FSTL5: variants seen among roughly 807,000 people sequenced by gnomAD.
FSTL5 encodes the protein follistatin like 5, also known as follistatin-related protein 5.
A neutral mutation model predicts 89.1 loss-of-function variants in FSTL5; 62 were observed. The ratio of observed to expected loss-of-function variants is 0.70; its 90% CI spans 0.57 to 0.86. The LOEUF (loss-of-function observed/expected upper bound fraction) is 0.86. Ranked by LOEUF, FSTL5 falls within the 40% of genes least tolerant of loss-of-function variation. The pLI, the probability that FSTL5 is intolerant of heterozygous loss-of-function variation, is 0.00. For missense variants in FSTL5, 1,057 were observed against 1,001.6 expected (o/e 1.06, Z -0.75); for synonymous variants, 383 against 346.2 (o/e 1.11, Z -1.18).
At chr4:161,776,883 C>G (rs1438453223) in intron 4 of FSTL5, among the ~76,000 whole-genome samples, 1 of 151,858 alleles carries the variant, frequency 6.6e-6, no homozygotes, top group East Asian at 1.9e-4. Context: ...TCTTTCCAAA[C>G]CCAGTTTTTA....
intron 4 of FSTL5, among the ~76,000 whole-genome samples, chr4:161,850,937 T>A (rs749101352): frequency 1.1e-4 from 16 of 152,124 alleles, no homozygotes; most frequent in Non-Finnish European, 2.1e-4. Flanking sequence ...GAATAGCCAA[T>A]GGGCTTAATA....
intron 8 of FSTL5, among the ~76,000 whole-genome samples, chr4:161,584,546 T>G (rs1367985724): frequency 6.6e-6 from 1 of 152,230 alleles, no homozygotes; most frequent in African/African-American, 2.4e-5. Flanking sequence ...ATGCAGGTGC[T>G]TTGCAGCTAC....
chr4:162,028,034 T>C (rs1285398356), intron 3 of FSTL5, among the ~76,000 whole-genome samples: 1 of 152,140 alleles, frequency 6.6e-6, no homozygotes, highest in Non-Finnish European at 1.5e-5. Context: ...TTATTACAAA[T>C]CTACCATAAA....
intron 8 of FSTL5, among the ~76,000 whole-genome samples, chr4:161,567,965 T>C (rs1419320543): frequency 3.9e-5 from 6 of 152,052 alleles, no homozygotes; most frequent in Admixed American, 3.9e-4. Context: ...ATTGAGCACA[T>C]GGAACTCATC....
At chr4:161,932,932 T>C (rs1734331254) in intron 3 of FSTL5, among the ~76,000 whole-genome samples, 1 of 152,110 alleles carries the variant, frequency 6.6e-6, no homozygotes, top group Admixed American at 6.6e-5. Flanking sequence ...TTCAAGCTAT[T>C]GATAAATTCT....
At chr4:161,411,518 C>A (rs1467594439) in intron 15 of FSTL5, among the ~76,000 whole-genome samples, 1 of 152,122 alleles carries the variant, frequency 6.6e-6, no homozygotes, top group East Asian at 1.9e-4. Context: ...TCCTGGCATG[C>A]AGGGCTAATT....
chr4:161,576,826 A>G (rs1465429756), intron 8 of FSTL5, among the ~76,000 whole-genome samples: 1 of 152,214 alleles, frequency 6.6e-6, no homozygotes, highest in Non-Finnish European at 1.5e-5. Context: ...TTGTCATAGA[A>G]AAAAGTTTCA....
intron 6 of FSTL5, among the ~76,000 whole-genome samples, chr4:161,728,119 T>A (rs1045152474): frequency 6.6e-6 from 1 of 152,200 alleles, no homozygotes; most frequent in Admixed American, 6.5e-5. Flanking sequence ...ATAAGAAGTC[T>A]GAGCTTGATT....
chr4:161,710,650 C>T (rs1313907472), intron 6 of FSTL5, among the ~76,000 whole-genome samples: 1 of 152,182 alleles, frequency 6.6e-6, no homozygotes, highest in Non-Finnish European at 1.5e-5. Context: ...GAACACTTGC[C>T]TTTCTTCCAA....
chr4:161,884,253 G>T (rs1289603321), intron 4 of FSTL5, among the ~76,000 whole-genome samples: 1 of 151,922 alleles, frequency 6.6e-6, no homozygotes, highest in East Asian at 1.9e-4. Flanking sequence ...GGCCAGACTG[G>T]TCTCAAACTC....
At chr4:162,011,655 A>G (rs1452106414) in intron 3 of FSTL5, among the ~76,000 whole-genome samples, 1 of 151,958 alleles carries the variant, frequency 6.6e-6, no homozygotes, top group East Asian at 1.9e-4. Context: ...CACCATGCCC[A>G]GCTAATTATT....
intron 11 of FSTL5, among the ~76,000 whole-genome samples, chr4:161,508,127 A>G (rs1730539972): frequency 6.6e-6 from 1 of 152,062 alleles, no homozygotes; most frequent in Non-Finnish European, 1.5e-5. Flanking sequence ...AATTATTTGT[A>G]TGAAATACTT....
At chr4:161,980,285 GAAA>G (rs1735788230) in intron 3 of FSTL5, among the ~76,000 whole-genome samples, 3 of 150,722 alleles carry the variant, frequency 2.0e-5, no homozygotes, top group Non-Finnish European at 3.0e-5. Flanking sequence ...AAGAAAGAAA[GAAA>G]GAGAAAGAAA....
At chr4:161,617,253 A>G (rs1217472068) in intron 7 of FSTL5, among the ~76,000 whole-genome samples, 1 of 152,138 alleles carries the variant, frequency 6.6e-6, no homozygotes, top group African/African-American at 2.4e-5. Flanking sequence ...CCTTGTAAGT[A>G]TTTAGTGTAA....
intron 14 of FSTL5, among the ~76,000 whole-genome samples, chr4:161,457,652 A>G (rs984914899): frequency 6.6e-6 from 1 of 152,142 alleles, no homozygotes; most frequent in Non-Finnish European, 1.5e-5. Flanking sequence ...TTTAAAAAAA[A>G]AGACATGAAA....
At chr4:161,926,398 T>TG in intron 3 of FSTL5, among the ~76,000 whole-genome samples, 1 of 30,566 alleles carries the variant, frequency 3.3e-5, no homozygotes, top group African/African-American at 1.1e-4. Flanking sequence ...AAGAAGGTTT[T>TG]TTTTTTTTGT....
At chr4:162,102,147 T>C (rs1731020083) in intron 2 of FSTL5, among the ~76,000 whole-genome samples, 1 of 151,906 alleles carries the variant, frequency 6.6e-6, no homozygotes, top group African/African-American at 2.4e-5. Context: ...TCCACAGAAA[T>C]TGTGAGAAAA....
In FSTL5 at chr4:161,386,072, G is replaced by T; in HGVS notation, c.2219C>A (p.Ser740Tyr). ...AFDIYTNLHI[S>Y]DLAFQPSFTE... ...AAAGGATGGTTGAAATGCCAGATCA[G>T]ATATGTGCAGATTTGTGTAAATATC... The change falls in exon 16 of 16, where the codon TCT becomes TAT. Residue 740 changes from serine (S) to tyrosine (Y), a missense_variant. Transcript: ENST00000306100. The T allele has an allele frequency of 6.2e-7, 1 of 1,613,996 alleles. No homozygotes were observed. The highest frequency in any genetic ancestry group is 1.6e-4 in the Middle Eastern group (1 of 6,062).
intron 7 of FSTL5, among the ~76,000 whole-genome samples, chr4:161,596,079 A>C (rs1038318714): frequency 6.6e-6 from 1 of 151,938 alleles, no homozygotes; most frequent in Admixed American, 6.6e-5. Context: ...CAATAAAATA[A>C]ATCTAAGCAA....
Sources: gnomAD v4.1 joint callset for allele counts (sites outside exome capture counted in the v4.1 genomes callset) on GRCh38, gnomAD v4.1.1 for gene constraint, MANE v1.5 for transcripts, NCBI Gene and HGNC (gene_info 2026-07-23, HGNC 2026-07-21) for gene names.